The following CLECL1 variants were observed in gnomAD, a reference collection of about 807,000 sequenced individuals.
The protein encoded by CLECL1 is C-type lectin-like domain family 1.
At chr12:9,733,340 G>C, upstream of CLECL1, 1 of 987,054 alleles carries the variant, frequency 1.0e-6, no homozygotes, top group South Asian at 1.6e-5. Context: ...TACCACAGAA[G>C]ATATCTCACC....
chr12:9,731,363 G>T (rs1866445464), intron 1 of CLECL1, among the ~76,000 whole-genome samples: 1 of 152,158 alleles, frequency 6.6e-6, no homozygotes, highest in Non-Finnish European at 1.5e-5. Flanking sequence ...GAAACACAAA[G>T]ATTAATAGAT....
At chr12:9,726,946 CTTAA>C (rs1392286584) in intron 3 of CLECL1, among the ~76,000 whole-genome samples, 3 of 151,886 alleles carry the variant, frequency 2.0e-5, no homozygotes, top group East Asian at 1.9e-4. Context: ...AATGTAAAAT[CTTAA>C]TTAATCCCCA....
chr12:9,731,339 G>C (rs769709850), intron 1 of CLECL1, among the ~76,000 whole-genome samples: 5 of 152,018 alleles, frequency 3.3e-5, no homozygotes, highest in African/African-American at 1.2e-4. Context: ...TATTTAGTAC[G>C]GTGTGAGGTG....
chr12:9,722,262 G>T (rs1477940632), downstream of CLECL1, among the ~76,000 whole-genome samples: 2 of 152,152 alleles, frequency 1.3e-5, no homozygotes, highest in Admixed American at 6.5e-5. Context: ...ATACTGTTCT[G>T]CCTTCCCTTT....
chr12:9,708,700 T>C, the CLECL1 span, among the ~76,000 whole-genome samples: 4 of 152,218 alleles, frequency 2.6e-5, no homozygotes, highest in African/African-American at 9.7e-5. Context: ...TTTTCTCTAC[T>C]TCATGGGTAC....
the CLECL1 span, among the ~76,000 whole-genome samples, chr12:9,706,054 C>T: frequency 6.6e-6 from 1 of 152,160 alleles, no homozygotes; most frequent in Non-Finnish European, 1.5e-5. Context: ...TTTCTTTGAG[C>T]AGTGGTTTGT....
chr12:9,732,741 T>C (rs934688125), intron 1 of CLECL1, among the ~76,000 whole-genome samples: 1 of 152,152 alleles, frequency 6.6e-6, no homozygotes, highest in Non-Finnish European at 1.5e-5. Context: ...AGAAGCAAAG[T>C]TCTACATATT....
chr12:9,724,819 A>T (rs1398146567), intron 3 of CLECL1, among the ~76,000 whole-genome samples: 1 of 152,186 alleles, frequency 6.6e-6, no homozygotes, highest in Non-Finnish European at 1.5e-5. Context: ...TAAATCCATA[A>T]ATTTACACTT....
At chr12:9,725,044 T>C (rs7296241) in intron 3 of CLECL1, among the ~76,000 whole-genome samples, 47,603 of 151,956 alleles carry the variant, frequency 0.31, 7,874 homozygotes, top group South Asian at 0.47. Context: ...AAGGAAAAAG[T>C]AACTGTCAAC....
At chr12:9,707,871 C>A in the CLECL1 span, among the ~76,000 whole-genome samples, 1 of 152,214 alleles carries the variant, frequency 6.6e-6, no homozygotes, top group Non-Finnish European at 1.5e-5. Context: ...TTGTTACAGG[C>A]TGCAGCAATT....
the CLECL1 span, among the ~76,000 whole-genome samples, chr12:9,707,190 A>C: frequency 2.8e-4 from 42 of 152,188 alleles, no homozygotes; most frequent in Non-Finnish European, 5.0e-4. Flanking sequence ...TAATTGGAGT[A>C]CCAGAAATTT....
rs151210429 is a variant in CLECL1, at chr12:9,732,995, A to G, written n.36T>C. 4.3e-5 allele frequency: 70 copies of G among 1,612,482 alleles called. 1 individual carries two copies. The highest frequency in any genetic ancestry group is 5.9e-5 in the Non-Finnish European group (69 of 1,178,974). On this transcript the variant is annotated non_coding_transcript_exon_variant, in exon 1 of 4. Coordinates refer to ENST00000621400, the Ensembl canonical transcript of CLECL1. ...CGAGTTCTAACGGGGAAGTCCGAACAGTTTTGATGTCAGCGTAGACTACAT... is the reference window on the plus strand; with the variant it reads ...CGAGTTCTAACGGGGAAGTCCGAACGGTTTTGATGTCAGCGTAGACTACAT...
At chr12:9,732,872 A>G (rs765775064) in intron 1 of CLECL1, 77 bp downstream of exon 1, 16 of 1,220,864 alleles carry the variant, frequency 1.3e-5, no homozygotes, top group Non-Finnish European at 1.7e-5. Flanking sequence ...CAGTTTGGCA[A>G]TTAGATACAT....
chr12:9,722,513 T>C, downstream of CLECL1: 2 of 1,373,052 alleles, frequency 1.5e-6, no homozygotes, highest in Non-Finnish European at 1.9e-6. Flanking sequence ...AACAATTCAT[T>C]CAACTAATAT....
At chr12:9,709,379 A>C in the CLECL1 span, 1 of 152,510 alleles carries the variant, frequency 6.6e-6, no homozygotes, top group Non-Finnish European at 1.5e-5. Flanking sequence ...AACAAGCCCC[A>C]GTCTCACTCC....
downstream of CLECL1, chr12:9,722,556 T>C: frequency 6.6e-7 from 1 of 1,507,998 alleles, no homozygotes; most frequent in South Asian, 1.4e-5. Flanking sequence ...AGTTGAAACT[T>C]CTTTTCACAG....
intron 1 of CLECL1, among the ~76,000 whole-genome samples, 170 bp downstream of exon 1, chr12:9,732,779 A>T (rs1398111595): frequency 6.6e-6 from 1 of 152,260 alleles, no homozygotes; most frequent in Admixed American, 6.5e-5. Context: ...TTATTTTATG[A>T]ACAGACATTT....
At chr12:9,719,482 C>T (rs1350138155), downstream of CLECL1, among the ~76,000 whole-genome samples, 2 of 152,206 alleles carry the variant, frequency 1.3e-5, no homozygotes, top group Non-Finnish European at 2.9e-5. Flanking sequence ...GCCGAGATTG[C>T]ATCACTGCAC....
chr12:9,707,935 A>G, the CLECL1 span, among the ~76,000 whole-genome samples: 6 of 152,322 alleles, frequency 3.9e-5, no homozygotes, highest in African/African-American at 7.2e-5. Flanking sequence ...AGTCAGACCA[A>G]TTGTTCCTGG....
Sources: gnomAD v4.1 joint callset for allele counts (sites outside exome capture counted in the v4.1 genomes callset) on GRCh38, gnomAD v4.1.1 for gene constraint, MANE v1.5 for transcripts, NCBI Gene and HGNC (gene_info 2026-07-23, HGNC 2026-07-21) for gene names.